The following NYAP2 variants were observed in gnomAD, a reference collection of about 807,000 sequenced individuals.
NYAP2 encodes the protein neuronal tyrosine-phosphorylated phosphoinositide-3-kinase adapter 2.
In NYAP2, 23 loss-of-function variants were observed where a neutral mutation model predicts 50.4. The observed-to-expected ratio is 0.46, with a 90% CI of 0.33 to 0.65. The LOEUF is 0.65. Among genes scored for constraint, NYAP2 ranks in the 30% least tolerant of loss-of-function variants. NYAP2 has a pLI of 0.02. For synonymous variants in NYAP2, 394 were observed against 365.2 expected (o/e 1.08, Z -0.90); for missense variants, 885 against 861.0 (o/e 1.03, Z -0.35).
intron 6 of NYAP2, among the ~76,000 whole-genome samples, chr2:225,649,844 A>G (rs1693699490): frequency 6.6e-6 from 1 of 152,230 alleles, no homozygotes; most frequent in South Asian, 2.1e-4. Flanking sequence ...GAAGAACTAA[A>G]ACTTGAATAA....
intron 3 of NYAP2, among the ~76,000 whole-genome samples, chr2:225,470,825 G>GTGTGTATA (rs151090508): frequency 6.6e-6 from 1 of 151,692 alleles, no homozygotes; most frequent in Non-Finnish European, 1.5e-5. Flanking sequence ...GTGTGTGTGT[G>GTGTGTATA]TATATATATT....
At chr2:225,670,994 A>G in the NYAP2 span, among the ~76,000 whole-genome samples, 5 of 152,100 alleles carry the variant, frequency 3.3e-5, no homozygotes, top group Non-Finnish European at 5.9e-5. Context: ...ATCAAGTCCT[A>G]TGTTTTTGCC....
At chr2:225,560,367 A>G (rs540277568) in intron 4 of NYAP2, among the ~76,000 whole-genome samples, 1 of 152,220 alleles carries the variant, frequency 6.6e-6, no homozygotes, top group East Asian at 1.9e-4. Flanking sequence ...GAGAAACACT[A>G]TGACATAGAG....
chr2:225,521,478 C>T lies in NYAP2; in HGVS notation c.523+7806C>T, dbSNP rs536561688. 4.8e-3 allele frequency among the ~76,000 whole-genome samples: 729 copies of T among 152,046 alleles called. 1 individual carries two copies. Among genetic ancestry groups the T allele is most frequent in the Middle Eastern group, 0.01 (3 of 294 alleles). On this transcript the variant is annotated intron_variant, in intron 4 of 6. Transcript: ENST00000636099. ...TACCTAATTTATTGAGAGTTTTTAG[C>T]ATGAAGGGTTGTTGAATTTTGTCGA...
intron 3 of NYAP2, among the ~76,000 whole-genome samples, chr2:225,410,188 TAGAA>T (rs1416780563): frequency 1.4e-4 from 22 of 152,068 alleles, no homozygotes; most frequent in Non-Finnish European, 3.1e-4. Context: ...AAACTAGAAA[TAGAA>T]AGGAATGGTG....
At chr2:225,509,457 T>A (rs751721762) in intron 3 of NYAP2, among the ~76,000 whole-genome samples, 2 of 152,212 alleles carry the variant, frequency 1.3e-5, no homozygotes, top group Non-Finnish European at 2.9e-5. Context: ...TTGCCCAGGC[T>A]GGAGTGGTGC....
chr2:225,641,856 A>AT (rs1430218169), intron 6 of NYAP2, among the ~76,000 whole-genome samples: 1,992 of 147,466 alleles, frequency 0.014, 12 homozygotes, highest in Non-Finnish European at 0.018. Flanking sequence ...TGTAATTTAG[A>AT]TTTTTTTTTT....
chr2:225,562,157 A>G (rs1050238485), intron 4 of NYAP2, among the ~76,000 whole-genome samples: 5 of 152,122 alleles, frequency 3.3e-5, no homozygotes, highest in African/African-American at 1.2e-4. Context: ...TAGAAATTAT[A>G]TGTGTTTTGT....
intron 6 of NYAP2, among the ~76,000 whole-genome samples, chr2:225,641,232 T>G (rs1693524566): frequency 6.6e-6 from 1 of 152,070 alleles, no homozygotes. Flanking sequence ...GCACCAACAG[T>G]GTTCACGAAG....
intron 5 of NYAP2, among the ~76,000 whole-genome samples, chr2:225,603,735 C>A (rs1225190539): frequency 6.6e-6 from 1 of 152,166 alleles, no homozygotes; most frequent in Non-Finnish European, 1.5e-5. Flanking sequence ...GTTCTGGTGA[C>A]ACTCAGAAGA....
chr2:225,592,134 G>A (rs1692518609), intron 5 of NYAP2, among the ~76,000 whole-genome samples: 1 of 152,110 alleles, frequency 6.6e-6, no homozygotes, highest in African/African-American at 2.4e-5. Flanking sequence ...AAAAAGATAT[G>A]GGTACTCACC....
chr2:225,583,742 A>G (rs1489575640), intron 5 of NYAP2, among the ~76,000 whole-genome samples: 1 of 152,202 alleles, frequency 6.6e-6, no homozygotes, highest in Non-Finnish European at 1.5e-5. Context: ...TTCATCTTAT[A>G]TTAAAACACT....
At chr2:225,617,088 A>C (rs1693002443) in intron 5 of NYAP2, among the ~76,000 whole-genome samples, 1 of 152,204 alleles carries the variant, frequency 6.6e-6, no homozygotes, top group Admixed American at 6.5e-5. Flanking sequence ...TTTCAGGCAC[A>C]ATCAGAGCCC....
chr2:225,642,037 G>A lies in NYAP2; in HGVS notation c.1829-9395G>A, dbSNP rs184351173. Among the ~76,000 whole-genome samples, 1,204 of 148,376 alleles carry A rather than the reference G, an allele frequency of 8.1e-3. 8 individuals carry two copies. The highest frequency in any genetic ancestry group is 0.021 in the Middle Eastern group (6 of 292). On this transcript the variant is annotated intron_variant, in intron 6 of 6. Coordinates refer to ENST00000636099, the Ensembl canonical transcript of NYAP2. Reference sequence around the variant, plus strand: ...AAGGATCAGTTATCATGTTACTCAGGGAACTATACTGAGAAAAGAGACAGA... The same window carrying A: ...AAGGATCAGTTATCATGTTACTCAGAGAACTATACTGAGAAAAGAGACAGA...
chr2:225,544,763 A>G (rs1296524942), intron 4 of NYAP2, among the ~76,000 whole-genome samples: 1 of 152,074 alleles, frequency 6.6e-6, no homozygotes, highest in Non-Finnish European at 1.5e-5. Flanking sequence ...CTATGTGCTT[A>G]CTATTACCAG....
chr2:225,631,044 G>C (rs575375336), intron 6 of NYAP2, among the ~76,000 whole-genome samples: 1 of 152,312 alleles, frequency 6.6e-6, no homozygotes. Flanking sequence ...GACTGGATGA[G>C]TCTAAACTAG....
intron 4 of NYAP2, among the ~76,000 whole-genome samples, chr2:225,580,574 A>C (rs1025506255): frequency 6.6e-5 from 10 of 152,216 alleles, no homozygotes; most frequent in African/African-American, 1.9e-4. Context: ...CATCATAGGC[A>C]CATTGGAACA....
chr2:225,638,370 A>G (rs1693463972), intron 6 of NYAP2, among the ~76,000 whole-genome samples: 1 of 152,056 alleles, frequency 6.6e-6, no homozygotes. Context: ...GATAGAGTGG[A>G]AGGAAAAAGC....
chr2:225,476,238 C>A (rs1441074380), intron 3 of NYAP2, among the ~76,000 whole-genome samples: 1 of 151,978 alleles, frequency 6.6e-6, no homozygotes, highest in Non-Finnish European at 1.5e-5. Context: ...ACGATGAAAC[C>A]CCGTCTCTAC....
Sources: gnomAD v4.1 joint callset for allele counts (sites outside exome capture counted in the v4.1 genomes callset) on GRCh38, gnomAD v4.1.1 for gene constraint, MANE v1.5 for transcripts, NCBI Gene and HGNC (gene_info 2026-07-23, HGNC 2026-07-21) for gene names.